Variants in PGCKA1 observed in about 807,000 individuals in gnomAD.
The protein encoded by PGCKA1 is PDCD10 and GCKIII kinases associated 1.
the PGCKA1 span, chr4:37,588,522 G>C: frequency 5.7e-5 from 13 of 228,548 alleles, no homozygotes; most frequent in Non-Finnish European, 5.2e-5. Flanking sequence ...GATTAGAAAA[G>C]CAGAAGTCCC....
chr4:37,573,421 C>G, the PGCKA1 span, among the ~76,000 whole-genome samples: 1 of 152,226 alleles, frequency 6.6e-6, no homozygotes, highest in Non-Finnish European at 1.5e-5. Flanking sequence ...GCATCCAAGT[C>G]TGTCCCATCC....
the PGCKA1 span, among the ~76,000 whole-genome samples, chr4:37,557,200 A>G: frequency 6.6e-6 from 1 of 152,232 alleles, no homozygotes; most frequent in African/African-American, 2.4e-5. Flanking sequence ...GATATTTTCT[A>G]AATCATGTAT....
chr4:37,453,892 CA>C, the PGCKA1 span: 3 of 152,346 alleles, frequency 2.0e-5, no homozygotes, highest in Non-Finnish European at 2.9e-5. Context: ...CGCGCGGGCC[CA>C]ATGACAGCGC....
chr4:37,571,355 C>CTTT, the PGCKA1 span, among the ~76,000 whole-genome samples: 472 of 78,072 alleles, frequency 6.0e-3, 43 homozygotes, highest in East Asian at 0.032. Context: ...GACTATTATC[C>CTTT]TTTTTTTTTT....
chr4:37,577,061 TTGTC>T, the PGCKA1 span, among the ~76,000 whole-genome samples: 1 of 152,248 alleles, frequency 6.6e-6, no homozygotes, highest in Middle Eastern at 3.4e-3. Context: ...TGATGTGTCT[TTGTC>T]TGGTTTTGGT....
the PGCKA1 span, among the ~76,000 whole-genome samples, chr4:37,544,201 C>A: frequency 6.6e-6 from 1 of 152,156 alleles, no homozygotes. Context: ...AGTCCAAAAT[C>A]ATGCTGATGC....
chr4:37,517,678 A>G, the PGCKA1 span, among the ~76,000 whole-genome samples: 6 of 152,180 alleles, frequency 3.9e-5, no homozygotes, highest in African/African-American at 1.4e-4. Flanking sequence ...GTTGTGATAC[A>G]GGCATGCAAT....
the PGCKA1 span, among the ~76,000 whole-genome samples, chr4:37,587,328 T>C: frequency 1.3e-5 from 2 of 152,188 alleles, no homozygotes; most frequent in Non-Finnish European, 2.9e-5. Flanking sequence ...TGGGGTGGCA[T>C]ATAAGGTATT....
the PGCKA1 span, among the ~76,000 whole-genome samples, chr4:37,565,772 T>C: frequency 8.5e-5 from 13 of 152,146 alleles, no homozygotes; most frequent in African/African-American, 3.1e-4. Context: ...GATTGAAGGA[T>C]GCAAAGTGTT....
the PGCKA1 span, among the ~76,000 whole-genome samples, chr4:37,571,496 G>A: frequency 6.6e-6 from 1 of 151,208 alleles, no homozygotes; most frequent in African/African-American, 2.4e-5. Context: ...CCGAGTGGCT[G>A]GGATTACAGG....
At chr4:37,546,802 C>T in the PGCKA1 span, among the ~76,000 whole-genome samples, 3,743 of 152,346 alleles carry the variant, frequency 0.025, 170 homozygotes, top group African/African-American at 0.085. Context: ...ATCCAAAGAC[C>T]GCTCCCAGGT....
At chr4:37,587,225 T>A in the PGCKA1 span, among the ~76,000 whole-genome samples, 1 of 152,170 alleles carries the variant, frequency 6.6e-6, no homozygotes, top group South Asian at 2.1e-4. Flanking sequence ...TTTATTTAAT[T>A]GTATTTAGAG....
chr4:37,588,916 A>G, the PGCKA1 span: 3 of 1,602,874 alleles, frequency 1.9e-6, no homozygotes, highest in Non-Finnish European at 2.6e-6. Flanking sequence ...CTGGAGAAAT[A>G]CTACTTCTAA....
At chr4:37,480,544 G>A in the PGCKA1 span, among the ~76,000 whole-genome samples, 15,955 of 152,248 alleles carry the variant, frequency 0.1, 1,230 homozygotes, top group East Asian at 0.32. Context: ...TAGCCAATGC[G>A]GTCAGGAGCA....
the PGCKA1 span, among the ~76,000 whole-genome samples, chr4:37,556,026 G>C: frequency 0.43 from 65,402 of 151,914 alleles, 14,597 homozygotes; most frequent in African/African-American, 0.52. Flanking sequence ...TTCTTTCCAC[G>C]TTTCATTAAA....
At chr4:37,461,111 G>T in the PGCKA1 span, 1 of 194,462 alleles carries the variant, frequency 5.1e-6, no homozygotes, top group Non-Finnish European at 1.1e-5. Flanking sequence ...CCCATTGCTT[G>T]TTTTTGTCAG....
the PGCKA1 span, among the ~76,000 whole-genome samples, chr4:37,490,027 AAAAG>A: frequency 5.3e-5 from 8 of 151,898 alleles, no homozygotes; most frequent in African/African-American, 9.7e-5. Flanking sequence ...AAAAAAAAAG[AAAAG>A]AAAGAGGATA....
chr4:37,541,109 G>C, the PGCKA1 span, among the ~76,000 whole-genome samples: 5 of 152,078 alleles, frequency 3.3e-5, no homozygotes, highest in Non-Finnish European at 7.4e-5. Flanking sequence ...AGTCCAGCAT[G>C]TTCCCACCAG....
chr4:37,458,874 G>A, the PGCKA1 span, among the ~76,000 whole-genome samples: 11 of 152,138 alleles, frequency 7.2e-5, no homozygotes, highest in South Asian at 2.1e-4. Context: ...TATACACCTC[G>A]TACCTTATGT....
Sources: gnomAD v4.1 joint callset for allele counts (sites outside exome capture counted in the v4.1 genomes callset) on GRCh38, gnomAD v4.1.1 for gene constraint, MANE v1.5 for transcripts, NCBI Gene and HGNC (gene_info 2026-07-23, HGNC 2026-07-21) for gene names.